PDE1C: variants seen among roughly 807,000 people sequenced by gnomAD.
PDE1C encodes dual specificity calcium/calmodulin-dependent 3',5'-cyclic nucleotide phosphodiesterase 1C.
A neutral mutation model predicts 93.1 loss-of-function variants in PDE1C; 62 were observed. The observed-to-expected ratio is 0.67, with a 90% CI of 0.54 to 0.82. The LOEUF (loss-of-function observed/expected upper bound fraction) is 0.82, where lower values mean the gene tolerates loss of function less well. Ranked by LOEUF, PDE1C falls within the 40% of genes least tolerant of loss-of-function variation. The pLI, the probability that PDE1C is intolerant of heterozygous loss-of-function variation, is 0.00. For missense variants in PDE1C, 742 were observed against 884.6 expected (o/e 0.84, Z 2.04); for synonymous variants, 325 against 310.1 (o/e 1.05, Z -0.50).
intron 1 of PDE1C, among the ~76,000 whole-genome samples, chr7:32,333,717 G>A (rs138225205): frequency 6.6e-6 from 1 of 152,192 alleles, no homozygotes; most frequent in African/African-American, 2.4e-5. Context: ...TGGGACTAGA[G>A]TGAGAATTAA....
chr7:31,667,594 A>G, the PDE1C span, among the ~76,000 whole-genome samples: 1 of 152,242 alleles, frequency 6.6e-6, no homozygotes, highest in Admixed American at 6.5e-5. Flanking sequence ...TATGGTTCAC[A>G]TTCTAGTGAT....
chr7:32,422,486 C>T (rs1785453495), intron 1 of PDE1C, among the ~76,000 whole-genome samples: 1 of 138,756 alleles, frequency 7.2e-6, no homozygotes, highest in South Asian at 2.7e-4. Flanking sequence ...TTCCCCCCCA[C>T]CTGGCCTCCC....
the PDE1C span, among the ~76,000 whole-genome samples, chr7:31,662,581 AGTGTCT>A: frequency 0.069 from 10,479 of 151,896 alleles, 1,225 homozygotes; most frequent in African/African-American, 0.24. Context: ...GTGTTGTATA[AGTGTCT>A]GTGTCTGTGT....
chr7:31,640,391 TCTCTGTGTGCAGCTCCTTCCTCTC>T, the PDE1C span, among the ~76,000 whole-genome samples: 1 of 152,178 alleles, frequency 6.6e-6, no homozygotes, highest in South Asian at 2.1e-4. Flanking sequence ...TCTAGAGTTC[TCTCTGTGTGCAGCTCCTTCCTCTC>T]CTCTGTGTGC....
rs1006943738 is a variant in PDE1C at position 32,316,802 on chromosome 7, AG to A, written c.311-107264del. ...GATTTAATGCTGAGATGCTTTTGTC[AG>A]GCATTTAAGTTACCAAAAGGTACTT... On this transcript the variant is annotated intron_variant, in intron 1 of 1. Transcript: ENST00000672256. Among the ~76,000 whole-genome samples the A allele has an allele frequency of 3.0e-4, 37 of 123,676 alleles. No individual in the cohort carries two copies. The East Asian group carries it at 6.4e-3, about 22-fold the overall frequency. The allele number at this position is 123,676 out of a possible 152,430, so 81.1% of individuals were successfully genotyped here.
chr7:32,207,395 T>A (rs1002981493), intron 2 of PDE1C, among the ~76,000 whole-genome samples: 3 of 151,314 alleles, frequency 2.0e-5, no homozygotes, highest in Non-Finnish European at 2.9e-5. Context: ...ATCCTCCCAA[T>A]CTTCCCAAAC....
intron 2 of PDE1C, among the ~76,000 whole-genome samples, chr7:31,885,332 G>A (rs569241164): frequency 2.0e-5 from 3 of 152,332 alleles, no homozygotes; most frequent in East Asian, 1.9e-4. Flanking sequence ...AATAGTTCCA[G>A]TATAGAAGTG....
chr7:31,772,024 C>G (rs888567907), intron 17 of PDE1C, among the ~76,000 whole-genome samples: 1 of 132,944 alleles, frequency 7.5e-6, no homozygotes, highest in Middle Eastern at 4.2e-3. Flanking sequence ...CCAGCCTGGG[C>G]GAAAGAGCGG....
At chr7:31,713,940 T>C in the PDE1C span, among the ~76,000 whole-genome samples, 2 of 152,320 alleles carry the variant, frequency 1.3e-5, no homozygotes, top group Non-Finnish European at 2.9e-5. Flanking sequence ...ACCTGTGAGA[T>C]GACTGGTGCT....
intron 2 of PDE1C, among the ~76,000 whole-genome samples, chr7:32,022,658 A>G (rs1190078873): frequency 1.3e-5 from 2 of 152,106 alleles, no homozygotes; most frequent in Non-Finnish European, 2.9e-5. Context: ...GAATAAACAA[A>G]CAAATTAACT....
At chr7:31,648,395 T>A in the PDE1C span, among the ~76,000 whole-genome samples, 97 of 152,286 alleles carry the variant, frequency 6.4e-4, 1 homozygote, top group Middle Eastern at 0.014. Context: ...TTATTTATTT[T>A]TTTTCTCACC....
At chr7:32,190,817 A>G (rs1174873809) in intron 2 of PDE1C, among the ~76,000 whole-genome samples, 1 of 152,230 alleles carries the variant, frequency 6.6e-6, no homozygotes, top group Admixed American at 6.5e-5. Context: ...AAATATATAG[A>G]TGTCAAATAA....
At chr7:32,225,899 A>G (rs542497527) in intron 1 of PDE1C, among the ~76,000 whole-genome samples, 55 of 152,228 alleles carry the variant, frequency 3.6e-4, no homozygotes, top group African/African-American at 1.3e-3. Flanking sequence ...CTCTACTAAA[A>G]ATACAAAAAT....
chr7:31,698,122 T>C, the PDE1C span, among the ~76,000 whole-genome samples: 1 of 152,200 alleles, frequency 6.6e-6, no homozygotes, highest in African/African-American at 2.4e-5. Flanking sequence ...CTTAGCATTA[T>C]AGGAACAGAA....
chr7:32,301,741 G>A (rs1006061917), upstream of PDE1C, among the ~76,000 whole-genome samples: 1 of 152,136 alleles, frequency 6.6e-6, no homozygotes, highest in Non-Finnish European at 1.5e-5. Flanking sequence ...TTTCAGAATC[G>A]CTCACTCAAG....
intron 16 of PDE1C, among the ~76,000 whole-genome samples, chr7:31,804,545 A>C (rs1117826): frequency 0.19 from 29,370 of 151,840 alleles, 2,921 homozygotes; most frequent in Middle Eastern, 0.26. Flanking sequence ...TATTACACAC[A>C]CATTTCTTTT....
At chr7:31,737,932 G>C in the PDE1C span, among the ~76,000 whole-genome samples, 1 of 152,002 alleles carries the variant, frequency 6.6e-6, no homozygotes, top group African/African-American at 2.4e-5. Context: ...CTGTTATATA[G>C]GTTAAATAAC....
chr7:32,066,009 A>C (rs1041949689), intron 1 of PDE1C, among the ~76,000 whole-genome samples: 4 of 152,184 alleles, frequency 2.6e-5, no homozygotes, highest in Admixed American at 6.5e-5. Context: ...CTTCCTTTTG[A>C]GCACTAGCCT....
chr7:32,040,190 A>G (rs956738878), intron 2 of PDE1C, among the ~76,000 whole-genome samples: 2 of 152,236 alleles, frequency 1.3e-5, no homozygotes, highest in Admixed American at 1.3e-4. Flanking sequence ...TGTTCTTTAC[A>G]CTTACTAAAA....
Sources: allele counts gnomAD v4.1 joint callset (sites outside exome capture counted in the v4.1 genomes callset), GRCh38; gene constraint gnomAD v4.1.1; transcripts MANE v1.5; gene names NCBI Gene and HGNC (gene_info 2026-07-23, HGNC 2026-07-21).